HSPA12A: variants seen among roughly 807,000 people sequenced by gnomAD.
HSPA12A encodes the protein heat shock 70 kDa protein 12A.
In HSPA12A, 28 loss-of-function variants were observed where a neutral mutation model predicts 69.2. The observed-to-expected ratio is 0.40, with a 90% confidence interval of 0.30 to 0.55. The LOEUF is 0.55. Among genes scored for constraint, HSPA12A ranks in the 20% least tolerant of loss-of-function variants. The pLI is 0.38. For missense variants in HSPA12A, 686 were observed against 900.7 expected, an observed-to-expected ratio of 0.76 and a Z score of 3.05; for synonymous variants, 345 against 370.5, an observed-to-expected ratio of 0.93 and a Z score of 0.79.
intron 2 of HSPA12A, 23 bp downstream of exon 2, chr10:116,707,153 GCACACACACACACACACACACACA>G: frequency 1.7e-6 from 1 of 583,072 alleles, no homozygotes; most frequent in Non-Finnish European, 2.6e-6. Context: ...ACCCATGCGC[GCACACACACACACACACACACACA>G]CACACACACA....
intron 2 of HSPA12A, among the ~76,000 whole-genome samples, chr10:116,801,982 A>G (rs1844966704): frequency 1.3e-5 from 2 of 152,176 alleles, no homozygotes; most frequent in African/African-American, 2.4e-5. Flanking sequence ...TTTCAAAATG[A>G]AAGTTTAAAA....
chr10:116,798,119 T>C (rs541652479), intron 2 of HSPA12A, among the ~76,000 whole-genome samples: 7 of 136,832 alleles, frequency 5.1e-5, no homozygotes, highest in African/African-American at 2.0e-4. Context: ...GTCAGGGGAA[T>C]GACATGATCA....
At chr10:116,689,913 A>G (rs1849689401) in intron 6 of HSPA12A, among the ~76,000 whole-genome samples, 1 of 152,050 alleles carries the variant, frequency 6.6e-6, no homozygotes, top group Non-Finnish European at 1.5e-5. Flanking sequence ...TGATTAGATG[A>G]GGCCCACCTT....
chr10:116,796,636 A>G (rs1844832690), intron 2 of HSPA12A, among the ~76,000 whole-genome samples: 1 of 152,194 alleles, frequency 6.6e-6, no homozygotes, highest in South Asian at 2.1e-4. Flanking sequence ...AAAAGCGTTT[A>G]ACACTGAAAG....
chr10:116,837,529 C>T (rs1297199742), intron 1 of HSPA12A, among the ~76,000 whole-genome samples: 2 of 152,104 alleles, frequency 1.3e-5, no homozygotes, highest in East Asian at 1.9e-4. Context: ...TAAAAAAGAC[C>T]ATCTATGGCA....
intron 1 of HSPA12A, among the ~76,000 whole-genome samples, chr10:116,722,348 G>C (rs1021011143): frequency 2.0e-5 from 3 of 152,224 alleles, no homozygotes; most frequent in African/African-American, 7.2e-5. Flanking sequence ...TGGACTTGGA[G>C]AAGTGGGAGC....
chr10:116,705,117 C>A, intron 3 of HSPA12A, 34 bp downstream of exon 3: 1 of 1,612,546 alleles, frequency 6.2e-7, no homozygotes, highest in East Asian at 2.2e-5. Flanking sequence ...GTGGTTGGCA[C>A]CAGCCACGTG....
chr10:116,803,664 C>T (rs1845007927), intron 2 of HSPA12A, among the ~76,000 whole-genome samples: 1 of 152,266 alleles, frequency 6.6e-6, no homozygotes, highest in Admixed American at 6.5e-5. Flanking sequence ...ATGATCGGAG[C>T]GTGAACTGTA....
intron 2 of HSPA12A, among the ~76,000 whole-genome samples, chr10:116,811,486 C>T (rs1046848631): frequency 2.3e-4 from 35 of 151,768 alleles, no homozygotes; most frequent in Admixed American, 2.0e-3. Flanking sequence ...CTTTCTCCCT[C>T]ACACCAAAGG....
intron 1 of HSPA12A, among the ~76,000 whole-genome samples, chr10:116,717,088 T>C (rs1554883850): frequency 1.3e-5 from 2 of 152,172 alleles, no homozygotes; most frequent in East Asian, 3.9e-4. Flanking sequence ...GCCTTACAGG[T>C]GTATCTCATG....
intron 4 of HSPA12A, among the ~76,000 whole-genome samples, chr10:116,699,984 G>A (rs1421415758): frequency 1.3e-5 from 2 of 152,206 alleles, no homozygotes; most frequent in Non-Finnish European, 2.9e-5. Context: ...ATTAGAATAG[G>A]AGCTTGCACT....
At chr10:116,759,966 G>A (rs782429154) in intron 2 of HSPA12A, among the ~76,000 whole-genome samples, 14 of 152,090 alleles carry the variant, frequency 9.2e-5, no homozygotes, top group Non-Finnish European at 2.1e-4. Context: ...TGAGGGTAAG[G>A]CCTCCCCAGC....
chr10:116,706,665 T>C (rs1850262513), intron 2 of HSPA12A, among the ~76,000 whole-genome samples: 2 of 152,134 alleles, frequency 1.3e-5, no homozygotes, highest in African/African-American at 4.8e-5. Flanking sequence ...TCTTTCCTCA[T>C]ACAGGGCAGG....
chr10:116,816,693 T>C (rs1012170151), intron 2 of HSPA12A, among the ~76,000 whole-genome samples: 4 of 152,192 alleles, frequency 2.6e-5, no homozygotes, highest in African/African-American at 9.7e-5. Flanking sequence ...CCACTCATGA[T>C]TTTTTTAAAT....
upstream of HSPA12A, among the ~76,000 whole-genome samples, chr10:116,744,744 C>T (rs1264561488): frequency 6.6e-6 from 1 of 152,248 alleles, no homozygotes; most frequent in African/African-American, 2.4e-5. Flanking sequence ...ACCTAGTTCT[C>T]ATGGTGGCCC....
intron 2 of HSPA12A, among the ~76,000 whole-genome samples, chr10:116,807,264 G>A (rs1228148425): frequency 6.6e-6 from 1 of 152,008 alleles, no homozygotes; most frequent in African/African-American, 2.4e-5. Flanking sequence ...TCCCTTCCAC[G>A]GGGTCACTGT....
At chr10:116,810,309 G>A (rs1276364399) in intron 2 of HSPA12A, among the ~76,000 whole-genome samples, 3 of 152,084 alleles carry the variant, frequency 2.0e-5, no homozygotes, top group Admixed American at 2.0e-4. Context: ...CCAGAGACCA[G>A]CTCAGCCCCA....
chr10:116,794,961 CAA>C (rs1001939008), intron 2 of HSPA12A, among the ~76,000 whole-genome samples: 16 of 152,088 alleles, frequency 1.1e-4, no homozygotes, highest in African/African-American at 3.9e-4. Context: ...TATACTATAT[CAA>C]AACTTATAAG....
intron 2 of HSPA12A, chr10:116,830,897 A>T (rs1845602030): frequency 7.4e-6 from 1 of 135,086 alleles, no homozygotes; most frequent in African/African-American, 3.9e-5. Flanking sequence ...GGATATGTAC[A>T]TATATACATA....
Sources: allele counts gnomAD v4.1 joint callset (sites outside exome capture counted in the v4.1 genomes callset), GRCh38; gene constraint gnomAD v4.1.1; transcripts MANE v1.5; gene names NCBI Gene and HGNC (gene_info 2026-07-23, HGNC 2026-07-21).